Variants in LGALS8 observed in about 807,000 individuals in gnomAD.
The protein encoded by LGALS8 is galectin-8.
A neutral mutation model predicts 35.9 loss-of-function variants in LGALS8; 30 were observed. The observed-to-expected ratio is 0.83, with a 90% CI of 0.62 to 1.13. LGALS8 has a LOEUF of 1.13. Ranked by LOEUF, LGALS8 falls within the 50% of genes most tolerant of loss-of-function variation. LGALS8 has a pLI of 0.00. For synonymous variants in LGALS8, 138 were observed against 136.1 expected (o/e 1.01, Z -0.10); for missense variants, 366 against 388.7 (o/e 0.94, Z 0.49).
At position 236,526,148 on chromosome 1, in the gene LGALS8, A is replaced by G. The variant is rs770413323; in HGVS notation, c.45+33A>G. 1 of 1,418,742 alleles carries G rather than the reference A, an allele frequency of 7.0e-7. No homozygotes were observed. Among genetic ancestry groups the G allele is most frequent in the Non-Finnish European group, 1.0e-6 (1 of 1,004,214 alleles). 87.9% of individuals were successfully genotyped at this position (1,418,742 alleles called of 1,614,324 possible). ...ATTTCTATAAGATAACTTTTTACCT[A>G]TGCCAGGACAGATCCAATAGAATAT... is the stretch of plus-strand genomic sequence containing the variant. On this transcript the variant is annotated intron_variant, in intron 2 of 9. Transcript: ENST00000366584. This position sits in a 1 kb window ranked among gnomAD's most constrained non-coding sequence, Gnocchi z 4.6.
At chr1:236,524,153 A>T (rs1300778018) in intron 1 of LGALS8, 92 bp downstream of exon 1, 7 of 456,314 alleles carry the variant, frequency 1.5e-5, no homozygotes, top group Non-Finnish European at 2.6e-5. Flanking sequence ...TGGCATTCGG[A>T]TGTCACGGCT....
Position 236,548,410 on chromosome 1 carries a change from G to A in LGALS8, c.*249G>A. On this transcript the variant is annotated 3_prime_UTR_variant, in exon 10 of 10. Transcript: ENST00000366584. ...CTCTGCCCTCTCTCCTACTTTGGCT[G>A]ACTCTTCAAGAATGCCATTCAACAA... is the stretch of plus-strand genomic sequence containing the variant. 2.1e-6 allele frequency: 1 copy of A among 475,860 alleles called. No homozygotes were observed. Among genetic ancestry groups the A allele is most frequent in the Non-Finnish European group, 3.8e-6 (1 of 265,104 alleles). 29.5% of individuals were successfully genotyped at this position (475,860 alleles called of 1,614,324 possible). A position where few individuals can be genotyped will look rare whatever the true frequency, so the allele number is the denominator to read the frequency against.
At chr1:236,535,731 C>T (rs1341792944) in intron 2 of LGALS8, among the ~76,000 whole-genome samples, 1 of 152,220 alleles carries the variant, frequency 6.6e-6, no homozygotes, top group African/African-American at 2.4e-5. Flanking sequence ...TTTCTGGTGT[C>T]ATGTGCCTCC....
chr1:236,548,365 C>T lies in LGALS8; in HGVS notation c.*204C>T. ...AATGGGGAAACTGGGGGCAGCAACA[C>T]TTATAGCCAGTTAAAGCCACTCTGC... is the stretch of plus-strand genomic sequence containing the variant. On this transcript the variant is annotated 3_prime_UTR_variant, in exon 10 of 10. Coordinates refer to ENST00000366584, the MANE Select transcript of LGALS8 (RefSeq NM_201544.4). The T allele has an allele frequency of 1.8e-6, 1 of 563,712 alleles. No homozygotes were observed. Among genetic ancestry groups the T allele is most frequent in the South Asian group, 2.2e-5 (1 of 45,194 alleles). The allele number at this position is 563,712 out of a possible 1,614,324, so 34.9% of individuals were successfully genotyped here. A position where few individuals can be genotyped will look rare whatever the true frequency, so the allele number is the denominator to read the frequency against.
chr1:236,550,992 TAAAA>T lies in LGALS8; in HGVS notation c.*2846_*2849del. 4.5e-5 allele frequency: 57 copies of T among 1,254,528 alleles called. No homozygotes were observed. The highest frequency in any genetic ancestry group is 2.4e-4 in the Middle Eastern group (1 of 4,152). The allele number at this position is 1,254,528 out of a possible 1,614,324, so 77.7% of individuals were successfully genotyped here. A position where few individuals can be genotyped will look rare whatever the true frequency, so the allele number is the denominator to read the frequency against. Reference sequence around the variant, plus strand: ...GATGTTCTACTTCTTCACATTCATCTAAAAAAAAAAAAAAAAAATCAAAATTAAA... The same window carrying T: ...GATGTTCTACTTCTTCACATTCATCTAAAAAAAAAAAAAATCAAAATTAAA... On this transcript the variant is annotated 3_prime_UTR_variant, in exon 10 of 10. Transcript: ENST00000366584.
intron 3 of LGALS8, among the ~76,000 whole-genome samples, chr1:236,538,219 G>T (rs1473993511): frequency 6.6e-6 from 1 of 152,096 alleles, no homozygotes; most frequent in Non-Finnish European, 1.5e-5. Context: ...TGGTTTTACT[G>T]AATACCTGCT....
rs2103118951 is a variant in LGALS8, at chr1:236,551,217, T to G, written c.*3056T>G. On this transcript the variant is annotated 3_prime_UTR_variant, in exon 10 of 10. Coordinates refer to ENST00000366584, the MANE Select transcript of LGALS8 (RefSeq NM_201544.4). ...GCTTGCACTGGAAGCTGAATAAGAA[T>G]CCCCAAAACTCAAACTTCCTAGGGA... The G allele has an allele frequency of 2.0e-6, 1 of 497,908 alleles. No homozygotes were observed. Among genetic ancestry groups the G allele is most frequent in the East Asian group, 3.3e-5 (1 of 30,522 alleles). The allele number at this position is 497,908 out of a possible 1,614,324, so 30.8% of individuals were successfully genotyped here. A position where few individuals can be genotyped will look rare whatever the true frequency, so the allele number is the denominator to read the frequency against.
At chr1:236,547,942 G>C in intron 9 of LGALS8, 70 bp from the exon 10 acceptor site, 1 of 1,343,626 alleles carries the variant, frequency 7.4e-7, no homozygotes, top group Non-Finnish European at 1.1e-6. Flanking sequence ...CTCTGACACC[G>C]TTAGCATGTA....
At chr1:236,540,259 T>C (rs1407132893) in intron 4 of LGALS8, 2 of 254,786 alleles carry the variant, frequency 7.8e-6, no homozygotes, top group Non-Finnish European at 1.5e-5. Flanking sequence ...CAGGCGACCT[T>C]CGAACCCAGA....
intron 5 of LGALS8, among the ~76,000 whole-genome samples, chr1:236,541,066 G>A (rs931444219): frequency 4.6e-5 from 7 of 152,204 alleles, no homozygotes; most frequent in Non-Finnish European, 7.3e-5. Context: ...ATATACAACC[G>A]TGGTCCCATA....
At chr1:236,529,647 C>CTTT (rs780751484) in intron 2 of LGALS8, among the ~76,000 whole-genome samples, 8 of 106,064 alleles carry the variant, frequency 7.5e-5, no homozygotes, top group Non-Finnish European at 1.1e-4. Context: ...TCTTTCTTCT[C>CTTT]TTTTTTTTTT....
intron 3 of LGALS8, among the ~76,000 whole-genome samples, chr1:236,537,922 A>C (rs1572006732): frequency 7.3e-6 from 1 of 137,306 alleles, no homozygotes; most frequent in African/African-American, 2.7e-5. Flanking sequence ...ACATAGTGAG[A>C]CCCCCCATCT....
intron 2 of LGALS8, among the ~76,000 whole-genome samples, chr1:236,530,582 C>T (rs1250120625): frequency 6.6e-6 from 1 of 152,178 alleles, no homozygotes; most frequent in Non-Finnish European, 1.5e-5. Context: ...CTCTCAGTTG[C>T]TCAGCCAGCC....
chr1:236,544,337 G>A (rs1439116532), intron 8 of LGALS8, among the ~76,000 whole-genome samples: 2 of 152,132 alleles, frequency 1.3e-5, no homozygotes, highest in African/African-American at 4.8e-5. Flanking sequence ...CCAGCCTTCT[G>A]AAAGCTTGAA....
chr1:236,550,992 T>TAAAAAAAAAA lies in LGALS8; in HGVS notation c.*2840_*2849dup. The stretch of plus-strand genomic sequence containing the variant: ...GATGTTCTACTTCTTCACATTCATC[T>TAAAAAAAAAA]AAAAAAAAAAAAAAAAAATCAAAAT... On this transcript the variant is annotated 3_prime_UTR_variant, in exon 10 of 10. Coordinates refer to ENST00000366584, the MANE Select transcript of LGALS8 (RefSeq NM_201544.4). 3.2e-6 allele frequency: 4 copies of TAAAAAAAAAA among 1,254,990 alleles called. No homozygotes were observed. The highest frequency in any genetic ancestry group is 4.3e-6 in the Non-Finnish European group (4 of 934,374). The allele number at this position is 1,254,990 out of a possible 1,614,324, so 77.7% of individuals were successfully genotyped here.
chr1:236,528,057 T>A (rs1056368707), intron 2 of LGALS8, among the ~76,000 whole-genome samples: 15 of 151,542 alleles, frequency 9.9e-5, no homozygotes, highest in Admixed American at 9.9e-4. Context: ...TTAAAGATAA[T>A]CAATTAGTAT....
Position 236,548,888 on chromosome 1 carries a change from GTGC to G in LGALS8, c.*730_*732del. ...AAAACCAAAGCAAAACAAATACATG[GTGC>G]TGAAATTAACTTGATGCCAAGCCCA... On this transcript the variant is annotated 3_prime_UTR_variant, in exon 10 of 10. Transcript: ENST00000366584. 2.5e-6 allele frequency: 1 copy of G among 398,532 alleles called. No homozygotes were observed. The highest frequency in any genetic ancestry group is 4.4e-6 in the Non-Finnish European group (1 of 226,008). The allele number at this position is 398,532 out of a possible 1,614,324, so 24.7% of individuals were successfully genotyped here. A position where few individuals can be genotyped will look rare whatever the true frequency, so the allele number is the denominator to read the frequency against.
intron 2 of LGALS8, among the ~76,000 whole-genome samples, chr1:236,529,419 TAAA>T (rs1315459007): frequency 1.3e-5 from 2 of 151,776 alleles, no homozygotes; most frequent in Non-Finnish European, 2.9e-5. Flanking sequence ...CCGTCTCTAC[TAAA>T]AATACAAAAA....
At chr1:236,527,510 TTC>T (rs985748202) in intron 2 of LGALS8, among the ~76,000 whole-genome samples, 5 of 152,164 alleles carry the variant, frequency 3.3e-5, no homozygotes, top group African/African-American at 1.2e-4. Context: ...CTTTTCAAAA[TTC>T]TCTGTTTTAT....
Sources: allele counts gnomAD v4.1 joint callset (sites outside exome capture counted in the v4.1 genomes callset), GRCh38; gene constraint gnomAD v4.1.1; non-coding constraint Gnocchi (gnomAD v3.1); transcripts MANE v1.5; gene names NCBI Gene and HGNC (gene_info 2026-07-23, HGNC 2026-07-21).